Variants in FER observed in about 807,000 individuals in gnomAD.
FER encodes the protein FER tyrosine kinase.
Under a neutral mutation model 111.0 loss-of-function variants are expected in FER, and 63 were observed. The ratio of observed to expected loss-of-function variants is 0.57; its 90% CI spans 0.46 to 0.70. The LOEUF is 0.70. Ranked by LOEUF, FER falls within the 30% of genes least tolerant of loss-of-function variation. The pLI is 0.00. For synonymous variants in FER, 327 were observed against 313.9 expected (o/e 1.04, Z -0.44); for missense variants, 914 against 954.0 (o/e 0.96, Z 0.55).
chr5:108,762,077 A>AT (rs748576407), intron 1 of FER, among the ~76,000 whole-genome samples: 133 of 150,948 alleles, frequency 8.8e-4, no homozygotes, highest in African/African-American at 3.0e-3. Flanking sequence ...CACCTGGCTA[A>AT]TTTTTTTTTG....
chr5:109,124,785 G>A (rs920534651), intron 17 of FER, among the ~76,000 whole-genome samples: 35 of 152,062 alleles, frequency 2.3e-4, no homozygotes, highest in African/African-American at 8.4e-4. Flanking sequence ...GGTGGCTCAC[G>A]CCTGTAATCC....
chr5:109,139,105 G>T (rs1753219094), intron 17 of FER, among the ~76,000 whole-genome samples: 1 of 152,170 alleles, frequency 6.6e-6, no homozygotes, highest in Non-Finnish European at 1.5e-5. Flanking sequence ...CAGTCTAGTT[G>T]AAATATGGGG....
intron 10 of FER, among the ~76,000 whole-genome samples, chr5:108,901,874 T>C (rs1374158884): frequency 2.0e-5 from 3 of 152,170 alleles, no homozygotes; most frequent in African/African-American, 7.2e-5. Flanking sequence ...TTGTTTAAGG[T>C]GTGTAGTTTG....
At chr5:109,167,834 G>C (rs1475824321) in intron 17 of FER, among the ~76,000 whole-genome samples, 2 of 152,100 alleles carry the variant, frequency 1.3e-5, no homozygotes, top group Non-Finnish European at 2.9e-5. Context: ...TAGACAAGCA[G>C]GGTAGTCAAA....
At chr5:108,996,447 A>G (rs1247431047) in intron 13 of FER, among the ~76,000 whole-genome samples, 18 of 152,192 alleles carry the variant, frequency 1.2e-4, no homozygotes, top group Admixed American at 1.2e-3. Flanking sequence ...TATAAGGTGT[A>G]AGGAAGGGGT....
At chr5:108,977,531 A>T (rs1289352326) in intron 13 of FER, among the ~76,000 whole-genome samples, 1 of 152,236 alleles carries the variant, frequency 6.6e-6, no homozygotes, top group East Asian at 1.9e-4. Context: ...GGTCAACTGT[A>T]TAATAATATA....
chr5:108,885,622 A>G (rs191654146), intron 9 of FER, among the ~76,000 whole-genome samples: 1,909 of 151,768 alleles, frequency 0.013, 29 homozygotes, highest in Non-Finnish European at 0.02. Context: ...AGAGGGTAAG[A>G]GCTCCCCGGG....
intron 16 of FER, among the ~76,000 whole-genome samples, chr5:109,049,649 A>G (rs1278809781): frequency 6.6e-6 from 1 of 152,168 alleles, no homozygotes; most frequent in Non-Finnish European, 1.5e-5. Context: ...CAAGGTCTAC[A>G]TTACATGCAG....
chr5:109,105,435 G>A (rs1285966540), intron 17 of FER, among the ~76,000 whole-genome samples: 2 of 151,978 alleles, frequency 1.3e-5, no homozygotes, highest in African/African-American at 4.8e-5. Context: ...TACTGAAAAA[G>A]TATTTTGTCC....
rs1212062302 is a variant in FER, at chr5:109,192,909, AG to A, written c.*5337del. The A allele has an allele frequency of 6.6e-6, 1 of 152,194 alleles. No homozygotes were observed. The highest frequency in any genetic ancestry group is 1.5e-5 in the Non-Finnish European group (1 of 68,022). The allele number at this position is 152,194 out of a possible 1,614,324, so 9.4% of individuals were successfully genotyped here. On this transcript the variant is annotated 3_prime_UTR_variant, in exon 20 of 20. Coordinates refer to ENST00000281092, the MANE Select transcript of FER (RefSeq NM_005246.4). Reference sequence around the variant, plus strand: ...AATCTAGAAATCCTAAAGCTTAGTCAGGGTGCCTAAGGTAAGACACAAAAAG... The same window carrying A: ...AATCTAGAAATCCTAAAGCTTAGTCAGGTGCCTAAGGTAAGACACAAAAAG...
intron 17 of FER, among the ~76,000 whole-genome samples, chr5:109,120,120 A>T (rs570368565): frequency 3.0e-4 from 46 of 152,168 alleles, no homozygotes; most frequent in Admixed American, 2.8e-3. Flanking sequence ...ACTTCATTTG[A>T]TCACATTTGT....
intron 17 of FER, among the ~76,000 whole-genome samples, chr5:109,142,069 A>G (rs926279784): frequency 1.3e-4 from 19 of 151,992 alleles, no homozygotes; most frequent in Non-Finnish European, 1.6e-4. Context: ...AGCATTATCA[A>G]CTCCCTTCAC....
intron 16 of FER, among the ~76,000 whole-genome samples, chr5:109,091,127 G>A (rs1581985814): frequency 1.3e-5 from 2 of 152,344 alleles, no homozygotes; most frequent in Middle Eastern, 3.4e-3. Context: ...TGGATGGAAG[G>A]AAGACAGAGG....
intron 13 of FER, among the ~76,000 whole-genome samples, chr5:108,991,388 C>T (rs115651025): frequency 0.011 from 1,597 of 151,748 alleles, 25 homozygotes; most frequent in African/African-American, 0.036. Context: ...GTGTCACGGC[C>T]CCCCCAAAAA....
chr5:109,040,516 G>C (rs144756366), intron 14 of FER, among the ~76,000 whole-genome samples: 97 of 152,258 alleles, frequency 6.4e-4, no homozygotes, highest in African/African-American at 2.3e-3. Context: ...AACAAGATGG[G>C]ATTTAGCAAT....
chr5:108,887,371 T>C lies in FER; in HGVS notation c.1046+3853T>C, dbSNP rs191537032. Among the ~76,000 whole-genome samples the C allele has an allele frequency of 5.1e-4, 77 of 151,774 alleles. 2 individuals are homozygous for C. In the East Asian group the frequency reaches 0.015, roughly 29 times the overall value. ...TATATGATAAATCATTTGATGGCTT[T>C]GATTCCTATAATTGAATAATATGAA... is the stretch of plus-strand genomic sequence containing the variant. On this transcript the variant is annotated intron_variant, in intron 9 of 19. Coordinates refer to ENST00000281092, the MANE Select transcript of FER (RefSeq NM_005246.4).
chr5:108,897,823 A>C lies in FER; in HGVS notation c.1211A>C (p.Glu404Ala). The C allele has an allele frequency of 6.2e-7, 1 of 1,612,218 alleles. No homozygotes were observed. The highest frequency in any genetic ancestry group is 8.5e-7 in the Non-Finnish European group (1 of 1,179,326). Residue 404 changes from glutamate to alanine, a missense_variant, in exon 10 of 20, where the codon GAA (glutamate) becomes GCA (alanine). Glu to Ala is a moderately radical substitution (Grantham distance 107). Transcript: ENST00000281092. ...CCACCTCCAGTAGTAAATTATGAAG[A>C]AGATGCACGATCAGTTACATCTATG... ...KEPPPVVNYE[E>A]DARSVTSMER...
chr5:108,910,932 A>G (rs1581163989), intron 10 of FER, among the ~76,000 whole-genome samples: 1 of 152,110 alleles, frequency 6.6e-6, no homozygotes, highest in African/African-American at 2.4e-5. Context: ...GCTATTGTGA[A>G]GAGTATTACA....
chr5:109,152,853 T>C (rs1365011523), intron 17 of FER, among the ~76,000 whole-genome samples: 1 of 151,948 alleles, frequency 6.6e-6, no homozygotes, highest in Non-Finnish European at 1.5e-5. Flanking sequence ...AATAAAACTT[T>C]CATTGTAAAA....
Sources: gnomAD v4.1 joint callset for allele counts (sites outside exome capture counted in the v4.1 genomes callset) on GRCh38, gnomAD v4.1.1 for gene constraint, MANE v1.5 for transcripts, NCBI Gene and HGNC (gene_info 2026-07-23, HGNC 2026-07-21) for gene names.